Variants in AGBL4 observed in about 807,000 individuals in gnomAD.
AGBL4 encodes the protein cytosolic carboxypeptidase 6.
In AGBL4, 58 loss-of-function variants were observed where a neutral mutation model predicts 66.4. The ratio of observed to expected loss-of-function variants is 0.87; its 90% confidence interval spans 0.71 to 1.09. The LOEUF (loss-of-function observed/expected upper bound fraction) is 1.09, where lower values mean the gene tolerates loss of function less well. AGBL4 is among the 50% of genes least tolerant of loss of function. AGBL4 has a pLI of 0.00. For synonymous variants in AGBL4, 234 were observed against 222.9 expected, an observed-to-expected ratio of 1.05 and a Z score of -0.44; for missense variants, 579 against 631.0, an observed-to-expected ratio of 0.92 and a Z score of 0.88.
intron 11 of AGBL4, among the ~76,000 whole-genome samples, chr1:48,577,486 A>C (rs146000126): frequency 5.1e-4 from 78 of 152,334 alleles, no homozygotes; most frequent in African/African-American, 1.7e-3. Flanking sequence ...ACAGCATTTC[A>C]AATTATGGCC....
At chr1:49,701,550 A>T (rs1647094144) in intron 2 of AGBL4, among the ~76,000 whole-genome samples, 1 of 152,066 alleles carries the variant, frequency 6.6e-6, no homozygotes, top group Non-Finnish European at 1.5e-5. Flanking sequence ...AAAAAAAGTG[A>T]TTTAAAGAAA....
At chr1:49,966,646 A>G (rs1380768468) in intron 1 of AGBL4, among the ~76,000 whole-genome samples, 1 of 152,086 alleles carries the variant, frequency 6.6e-6, no homozygotes, top group East Asian at 1.9e-4. Context: ...TTATTCTAGT[A>G]TAAAATGGGA....
At chr1:48,725,337 A>G (rs1310188365) in intron 6 of AGBL4, among the ~76,000 whole-genome samples, 1 of 152,192 alleles carries the variant, frequency 6.6e-6, no homozygotes, top group Admixed American at 6.5e-5. Flanking sequence ...GCCAAAGCAG[A>G]GGAAATTTGT....
chr1:49,383,272 T>G (rs1390802964), intron 3 of AGBL4, among the ~76,000 whole-genome samples: 1 of 152,240 alleles, frequency 6.6e-6, no homozygotes, highest in Non-Finnish European at 1.5e-5. Context: ...ATGACATTTT[T>G]CATTATTTTG....
intron 9 of AGBL4, among the ~76,000 whole-genome samples, chr1:48,621,323 G>T (rs1440046251): frequency 6.6e-6 from 1 of 152,152 alleles, no homozygotes; most frequent in Admixed American, 6.5e-5. Context: ...CTATCATATG[G>T]GTTGGGCTGG....
intron 3 of AGBL4, among the ~76,000 whole-genome samples, chr1:49,630,838 G>T (rs2124355292): frequency 6.6e-6 from 1 of 152,292 alleles, no homozygotes; most frequent in Non-Finnish European, 1.5e-5. Flanking sequence ...GGTAGTCAAA[G>T]AGTTGGACTC....
In AGBL4 at chr1:50,022,428, G is replaced by A. The variant is rs533452013; in HGVS notation, c.34+1335C>T. Among the ~76,000 whole-genome samples, 9 of 152,260 alleles carry A rather than the reference G, an allele frequency of 5.9e-5. No individual in the cohort carries two copies. In the South Asian group the frequency reaches 1.9e-3, roughly 32 times the overall value. On this transcript the variant is annotated intron_variant, in intron 1 of 13. Coordinates refer to ENST00000371839, the MANE Select transcript of AGBL4 (RefSeq NM_032785.4). ...AGTGGATGAATGAATAAAGGAATAAGCCTGTTCAAGTTATGAGGGAGCTAA... is the reference window on the plus strand; with the variant it reads ...AGTGGATGAATGAATAAAGGAATAAACCTGTTCAAGTTATGAGGGAGCTAA...
In AGBL4 at chr1:49,500,761, T is replaced by C. The variant is rs559508209; in HGVS notation, c.282+196552A>G. Among the ~76,000 whole-genome samples the C allele has an allele frequency of 4.3e-4, 65 of 152,258 alleles. No homozygotes were observed. The Middle Eastern group carries it at 0.014, about 32-fold the overall frequency. On this transcript the variant is annotated intron_variant, in intron 3 of 13. Coordinates refer to ENST00000371839, the MANE Select transcript of AGBL4 (RefSeq NM_032785.4). ...TATGCCTGTTTTTATACCAGTACCA[T>C]GCTGTTTTGGTAACTATTGCCTTGA...
chr1:49,264,604 G>A (rs961477297), intron 3 of AGBL4, among the ~76,000 whole-genome samples: 3 of 151,722 alleles, frequency 2.0e-5, no homozygotes, highest in African/African-American at 7.3e-5. Flanking sequence ...GGAGTGCAGC[G>A]GCGCTATCGT....
chr1:48,543,681 A>G (rs2148269177), intron 11 of AGBL4, among the ~76,000 whole-genome samples: 1 of 152,284 alleles, frequency 6.6e-6, no homozygotes, highest in Non-Finnish European at 1.5e-5. Flanking sequence ...GAGATGGACA[A>G]GTGTTTGAGA....
rs1647011619 is a variant in AGBL4 at position 49,697,586 on chromosome 1, G to A, written c.158-149C>T. The A allele has an allele frequency of 6.3e-6, 4 of 635,940 alleles. No individual in the cohort carries two copies. In the East Asian group the frequency reaches 1.2e-4, roughly 19 times the overall value. The allele number at this position is 635,940 out of a possible 1,614,324, so 39.4% of individuals were successfully genotyped here. ...TGTTCACAATCCAAAGGGCTGCCAA[G>A]TCTGAATGCAGCCCAGAGTAAGAAA... On this transcript the variant is annotated intron_variant, in intron 2 of 13. Coordinates refer to ENST00000371839, the MANE Select transcript of AGBL4 (RefSeq NM_032785.4).
intron 2 of AGBL4, among the ~76,000 whole-genome samples, chr1:49,829,565 T>C (rs899544913): frequency 6.6e-6 from 1 of 152,214 alleles, no homozygotes; most frequent in African/African-American, 2.4e-5. Context: ...TGGTATATAG[T>C]GACATTTCCA....
At chr1:49,979,187 C>A (rs1235982469) in intron 1 of AGBL4, among the ~76,000 whole-genome samples, 1 of 152,062 alleles carries the variant, frequency 6.6e-6, no homozygotes, top group Admixed American at 6.5e-5. Context: ...CCTGGCCGGG[C>A]GCGGTGGCTC....
chr1:49,908,382 T>C (rs1001650774), intron 1 of AGBL4, among the ~76,000 whole-genome samples: 4 of 152,110 alleles, frequency 2.6e-5, no homozygotes, highest in Admixed American at 1.3e-4. Flanking sequence ...GTCTTCACAA[T>C]AGTGAGTGAG....
chr1:49,579,180 T>A (rs1644494990), intron 3 of AGBL4, among the ~76,000 whole-genome samples: 1 of 152,198 alleles, frequency 6.6e-6, no homozygotes, highest in Non-Finnish European at 1.5e-5. Context: ...CGGTACCTTG[T>A]GATCATGTAA....
chr1:48,832,228 C>G (rs1646569900), intron 6 of AGBL4, among the ~76,000 whole-genome samples: 1 of 152,156 alleles, frequency 6.6e-6, no homozygotes, highest in African/African-American at 2.4e-5. Context: ...TCTCCTGGAG[C>G]TGCATCCGCT....
chr1:48,791,043 C>T (rs911692420), intron 6 of AGBL4, among the ~76,000 whole-genome samples: 2 of 152,196 alleles, frequency 1.3e-5, no homozygotes, highest in Non-Finnish European at 2.9e-5. Flanking sequence ...GCCTCCAGAA[C>T]CATGAGCCAA....
At chr1:48,598,649 C>A (rs879391047) in intron 9 of AGBL4, among the ~76,000 whole-genome samples, 4 of 152,112 alleles carry the variant, frequency 2.6e-5, no homozygotes, top group Admixed American at 2.6e-4. Flanking sequence ...TAATGGTGCA[C>A]ACCTGTAATC....
At chr1:48,604,826 G>C (rs140669217) in intron 9 of AGBL4, among the ~76,000 whole-genome samples, 4 of 152,310 alleles carry the variant, frequency 2.6e-5, no homozygotes, top group Admixed American at 6.5e-5. Context: ...AGTTAAGCAA[G>C]GGTTGGACAA....
Sources: gnomAD v4.1 joint callset for allele counts (sites outside exome capture counted in the v4.1 genomes callset) on GRCh38, gnomAD v4.1.1 for gene constraint, MANE v1.5 for transcripts, NCBI Gene and HGNC (gene_info 2026-07-23, HGNC 2026-07-21) for gene names.